Variants in COBL observed in about 807,000 individuals in gnomAD.
The protein encoded by COBL is protein cordon-bleu.
In COBL, 51 loss-of-function variants were observed where a neutral mutation model predicts 98.8. The ratio of observed to expected loss-of-function variants is 0.52; its 90% CI spans 0.41 to 0.65. COBL has a LOEUF of 0.65. Among genes scored for constraint, COBL ranks in the 30% least tolerant of loss-of-function variants. The pLI, the probability that COBL is intolerant of heterozygous loss-of-function variation, is 0.00. For missense variants in COBL, 1,617 were observed against 1,617.5 expected, an observed-to-expected ratio of 1.00 and a Z score of 0.01; for synonymous variants, 634 against 651.7, an observed-to-expected ratio of 0.97 and a Z score of 0.41.
At chr7:51,289,502 C>T (rs907842768) in intron 1 of COBL, among the ~76,000 whole-genome samples, 7 of 152,338 alleles carry the variant, frequency 4.6e-5, no homozygotes, top group East Asian at 1.9e-4. Flanking sequence ...GGAGCTCTGC[C>T]GGGCAGCAGG....
chr7:51,056,409 C>CG (rs1562852416), intron 7 of COBL, among the ~76,000 whole-genome samples: 1 of 151,878 alleles, frequency 6.6e-6, no homozygotes, highest in East Asian at 1.9e-4. Context: ...GTATCGTCAC[C>CG]GGGGGAAATG....
In COBL at chr7:51,194,321, T is replaced by C. The variant is rs540394056; in HGVS notation, c.246-732A>G. Among the ~76,000 whole-genome samples, 12 of 152,300 alleles carry C rather than the reference T, an allele frequency of 7.9e-5. No individual in the cohort carries two copies. In the East Asian group the frequency reaches 2.1e-3, roughly 27 times the overall value. On this transcript the variant is annotated intron_variant, in intron 2 of 12. Coordinates refer to ENST00000265136, the MANE Select transcript of COBL (RefSeq NM_015198.5). ...TTTTTAATGGATGCATAGTAGTCCATGGTGTATCTGTACTACATTTTCTTT... is the reference window on the plus strand; with the variant it reads ...TTTTTAATGGATGCATAGTAGTCCACGGTGTATCTGTACTACATTTTCTTT...
intron 7 of COBL, among the ~76,000 whole-genome samples, chr7:51,067,351 T>C (rs1230914958): frequency 6.6e-6 from 1 of 152,276 alleles, no homozygotes; most frequent in Non-Finnish European, 1.5e-5. Context: ...TAGGCATATA[T>C]GTATGCATGT....
At chr7:51,128,256 A>G (rs1328351461) in intron 6 of COBL, among the ~76,000 whole-genome samples, 3 of 152,216 alleles carry the variant, frequency 2.0e-5, no homozygotes, top group South Asian at 2.1e-4. Context: ...CACAACTCAG[A>G]TAACAACAGA....
intron 5 of COBL, among the ~76,000 whole-genome samples, chr7:51,182,453 T>C (rs549192991): frequency 4.7e-4 from 71 of 152,196 alleles, no homozygotes; most frequent in African/African-American, 1.6e-3. Context: ...GGCTACTTTT[T>C]GTATTTTTAG....
At position 51,025,329 on chromosome 7, in the gene COBL, G is replaced by A. The variant is rs202117145; in HGVS notation, c.3548C>T (p.Ala1183Val). Residue 1183 changes from alanine to valine, a missense_variant, in exon 12 of 13, where the codon GCC becomes GTC. Ala to Val is a moderately conservative substitution (Grantham distance 64). Transcript: ENST00000265136. ...TTCCGAGCCCTGAGCAGAGAGTGCG[G>A]CATCTCGGAAGCTCTGGAGCTCCTC... ...ASEELQSFRD[A>V]ALSAQGSESP... The A allele has an allele frequency of 2.9e-5, 47 of 1,613,458 alleles. No individual in the cohort carries two copies. The Admixed American group carries it at 5.8e-4, about 20-fold the overall frequency.
At chr7:51,228,807 G>A (rs1258756099) in intron 1 of COBL, among the ~76,000 whole-genome samples, 5 of 152,018 alleles carry the variant, frequency 3.3e-5, no homozygotes, top group Admixed American at 2.0e-4. Context: ...CTTAACTATC[G>A]GCAAATACTC....
chr7:51,187,331 TACACACACAC>T lies in COBL; in HGVS notation c.686-3142_686-3133del, dbSNP rs1303777271. ...TTAAGTATATATATATATATATATA[TACACACACAC>T]ACACACACACACACATATATCTATA... On this transcript the variant is annotated intron_variant, in intron 4 of 12. Transcript: ENST00000265136. Among the ~76,000 whole-genome samples the T allele has an allele frequency of 7.8e-3, 794 of 101,414 alleles. 10 individuals are homozygous for T. Among genetic ancestry groups the T allele is most frequent in the African/African-American group, 0.026 (754 of 28,702 alleles). The allele number at this position is 101,414 out of a possible 152,430, so 66.5% of individuals were successfully genotyped here.
chr7:51,160,641 C>T lies in COBL; in HGVS notation c.783+23461G>A, dbSNP rs898108439. Among the ~76,000 whole-genome samples the T allele has an allele frequency of 7.2e-5, 11 of 152,214 alleles. 1 individual carries two copies. In the South Asian group the frequency reaches 2.1e-3, roughly 29 times the overall value. On this transcript the variant is annotated intron_variant, in intron 5 of 12. Coordinates refer to ENST00000265136, the MANE Select transcript of COBL (RefSeq NM_015198.5). ...CTGGGTGCTGGTGATTATGAGCTCA[C>T]GGTACACACGGGAAGACAAGGCTCT...
Position 51,017,063 on chromosome 7 carries a change from AAC to A in COBL, c.*486_*487del, listed in dbSNP as rs1786348558. 5.0e-6 allele frequency: 2 copies of A among 402,698 alleles called. No homozygotes were observed. The highest frequency in any genetic ancestry group is 8.7e-6 in the Non-Finnish European group (2 of 228,782). The allele number at this position is 402,698 out of a possible 1,614,324, so 24.9% of individuals were successfully genotyped here. A position where few individuals can be genotyped will look rare whatever the true frequency, so the allele number is the denominator to read the frequency against. ...CCCAATTTTTTTTTCTTACTACCAA[AAC>A]ACACAGCATCATGGAGCATATCACA... On this transcript the variant is annotated 3_prime_UTR_variant, in exon 13 of 13. Coordinates refer to ENST00000265136, the MANE Select transcript of COBL (RefSeq NM_015198.5).
chr7:51,223,674 T>C (rs1793880787), intron 1 of COBL, among the ~76,000 whole-genome samples: 1 of 152,204 alleles, frequency 6.6e-6, no homozygotes, highest in South Asian at 2.1e-4. Context: ...CTCAAAGACA[T>C]GGCTCAAAAC....
At chr7:51,037,239 G>A (rs1250509392) in intron 8 of COBL, among the ~76,000 whole-genome samples, 2 of 152,186 alleles carry the variant, frequency 1.3e-5, no homozygotes, top group African/African-American at 4.8e-5. Context: ...TCAGTCAGTT[G>A]TACATAACAA....
chr7:51,078,997 G>A (rs1424832322), intron 7 of COBL, among the ~76,000 whole-genome samples: 2 of 152,224 alleles, frequency 1.3e-5, no homozygotes, highest in Admixed American at 6.5e-5. Flanking sequence ...AATCTTGGAT[G>A]TAAGAAGTGA....
intron 6 of COBL, among the ~76,000 whole-genome samples, chr7:51,102,288 G>A (rs527803256): frequency 2.6e-5 from 4 of 152,232 alleles, no homozygotes; most frequent in South Asian, 2.1e-4. Flanking sequence ...AAACAGTGAC[G>A]GATTTCTGGG....
intron 4 of COBL, among the ~76,000 whole-genome samples, chr7:51,187,331 T>TAC (rs1303777271): frequency 0.017 from 1,691 of 101,392 alleles, 13 homozygotes; most frequent in African/African-American, 0.042. Context: ...TATATATATA[T>TAC]ACACACACAC....
At chr7:51,032,420 T>C (rs1470462825) in intron 8 of COBL, 1 of 152,256 alleles carries the variant, frequency 6.6e-6, no homozygotes, top group East Asian at 1.9e-4. Context: ...CTATCTTCAG[T>C]GAAAGCTGAA....
chr7:51,272,650 T>C (rs1798868793), intron 1 of COBL, among the ~76,000 whole-genome samples: 1 of 152,098 alleles, frequency 6.6e-6, no homozygotes, highest in African/African-American at 2.4e-5. Flanking sequence ...TCAGTGAAAT[T>C]GCGCTTGGAC....
At chr7:51,232,613 C>A (rs1253899644) in intron 1 of COBL, among the ~76,000 whole-genome samples, 1 of 152,140 alleles carries the variant, frequency 6.6e-6, no homozygotes, top group Non-Finnish European at 1.5e-5. Flanking sequence ...AGATCGAGAC[C>A]ATCCTGGCTA....
intron 1 of COBL, among the ~76,000 whole-genome samples, chr7:51,252,627 T>G (rs73697841): frequency 1.8e-3 from 280 of 152,268 alleles, no homozygotes; most frequent in African/African-American, 6.3e-3. Flanking sequence ...AAAAGCTTTT[T>G]GGGGCAAGAA....
Sources: allele counts gnomAD v4.1 joint callset (sites outside exome capture counted in the v4.1 genomes callset), GRCh38; gene constraint gnomAD v4.1.1; transcripts MANE v1.5; gene names NCBI Gene and HGNC (gene_info 2026-07-23, HGNC 2026-07-21).